Variants in PPP1R12B observed in about 807,000 individuals in gnomAD.
PPP1R12B encodes myosin phosphatase target subunit 2.
In PPP1R12B, 76 loss-of-function variants were observed where a neutral mutation model predicts 126.1. The ratio of observed to expected loss-of-function variants is 0.60; its 90% CI spans 0.50 to 0.73. The LOEUF (loss-of-function observed/expected upper bound fraction) is 0.73, where lower values mean the gene tolerates loss of function less well. Among genes scored for constraint, PPP1R12B ranks in the 30% least tolerant of loss-of-function variants. The probability of loss-of-function intolerance (pLI) is 0.00; values close to 1 mark genes in which losing one functional copy is unlikely to be tolerated. For missense variants in PPP1R12B, 1,052 were observed against 1,205.1 expected (o/e 0.87, Z 1.88); for synonymous variants, 356 against 434.7 (o/e 0.82, Z 2.25).
At chr1:202,388,586 G>T (rs1663559616) in intron 1 of PPP1R12B, among the ~76,000 whole-genome samples, 2 of 152,130 alleles carry the variant, frequency 1.3e-5, no homozygotes, top group Admixed American at 6.6e-5. Context: ...GCTACTGATA[G>T]AAATAGTATT....
At chr1:202,502,519 G>A (rs560847902) in intron 18 of PPP1R12B, 61 of 933,972 alleles carry the variant, frequency 6.5e-5, no homozygotes, top group Middle Eastern at 5.6e-4. Context: ...GCTTTTAAGC[G>A]CCGATTATGA....
rs1157370814 is a variant in PPP1R12B, at chr1:202,439,036, G to T, written c.1458+1012G>T. ...GCGGCAGTGCCCACTACCAGTGGGC[G>T]GACTTCATCCTGGCCGCCAACTCCT... On this transcript the variant is annotated intron_variant, in intron 10 of 23. Transcript: ENST00000608999. 8.5e-5 allele frequency: 116 copies of T among 1,369,118 alleles called. No homozygotes were observed. The African/African-American group carries it at 1.4e-3, about 16-fold the overall frequency. The allele number at this position is 1,369,118 out of a possible 1,614,324, so 84.8% of individuals were successfully genotyped here. A position where few individuals can be genotyped will look rare whatever the true frequency, so the allele number is the denominator to read the frequency against.
chr1:202,365,474 A>G (rs1186560452), intron 1 of PPP1R12B, among the ~76,000 whole-genome samples: 1 of 152,172 alleles, frequency 6.6e-6, no homozygotes, highest in Admixed American at 6.5e-5. Context: ...GCTGCTTTAT[A>G]CCAAGTGTTG....
At chr1:202,387,807 T>G (rs17438379) in intron 1 of PPP1R12B, among the ~76,000 whole-genome samples, 17,599 of 152,186 alleles carry the variant, frequency 0.12, 1,262 homozygotes, top group Middle Eastern at 0.17. Context: ...TCTAGTGTCG[T>G]AGGGTAATTC....
At chr1:202,545,765 A>C (rs180935344) in intron 18 of PPP1R12B, among the ~76,000 whole-genome samples, 2 of 152,370 alleles carry the variant, frequency 1.3e-5, no homozygotes. Context: ...TTTGGAGAAC[A>C]ATAGAAGCTA....
chr1:202,480,868 G>A (rs1244884322), intron 13 of PPP1R12B, among the ~76,000 whole-genome samples: 1 of 152,202 alleles, frequency 6.6e-6, no homozygotes, highest in Non-Finnish European at 1.5e-5. Context: ...GGATTTCAAT[G>A]TAACAGAATA....
intron 1 of PPP1R12B, among the ~76,000 whole-genome samples, chr1:202,381,845 TAGTA>T (rs1455562125): frequency 1.3e-5 from 2 of 152,164 alleles, no homozygotes; most frequent in African/African-American, 4.8e-5. Flanking sequence ...AACAGTAAGT[TAGTA>T]AGAGAAACAA....
At chr1:202,380,678 C>T (rs1342598399) in intron 1 of PPP1R12B, among the ~76,000 whole-genome samples, 2 of 152,196 alleles carry the variant, frequency 1.3e-5, no homozygotes, top group African/African-American at 4.8e-5. Context: ...GCTTTGGTTA[C>T]AGATTCCAGA....
intron 23 of PPP1R12B, chr1:202,575,278 A>G: frequency 8.0e-7 from 1 of 1,242,720 alleles, no homozygotes; most frequent in Non-Finnish European, 1.1e-6. Flanking sequence ...GGTTATCTGC[A>G]GATGGAAGCA....
At chr1:202,500,829 C>G (rs1680146696) in intron 18 of PPP1R12B, among the ~76,000 whole-genome samples, 1 of 152,154 alleles carries the variant, frequency 6.6e-6, no homozygotes, top group Non-Finnish European at 1.5e-5. Context: ...CTTCATACCA[C>G]ATAAATACGT....
intron 18 of PPP1R12B, among the ~76,000 whole-genome samples, chr1:202,524,593 C>T (rs1176097373): frequency 6.6e-6 from 1 of 152,190 alleles, no homozygotes; most frequent in East Asian, 1.9e-4. Context: ...TTAGCTCCCT[C>T]TTATGAGTGA....
In PPP1R12B at chr1:202,587,080, C is replaced by T. The variant is rs923530162; in HGVS notation, c.*6520C>T. On this transcript the variant is annotated 3_prime_UTR_variant, in exon 24 of 24. Transcript: ENST00000608999. ...CCCAATTCATCTGCTTATTTTGGAC[C>T]ATGAATCTGCCAGAGTGATATTTTC... is the stretch of plus-strand genomic sequence containing the variant. 6.6e-6 allele frequency: 1 copy of T among 152,084 alleles called. No individual in the cohort carries two copies. The highest frequency in any genetic ancestry group is 1.5e-5 in the Non-Finnish European group (1 of 68,014). 9.4% of individuals were successfully genotyped at this position (152,084 alleles called of 1,614,324 possible). A position where few individuals can be genotyped will look rare whatever the true frequency, so the allele number is the denominator to read the frequency against.
At chr1:202,550,717 C>A (rs895770198) in intron 18 of PPP1R12B, among the ~76,000 whole-genome samples, 5 of 152,300 alleles carry the variant, frequency 3.3e-5, no homozygotes, top group Non-Finnish European at 7.4e-5. Flanking sequence ...AGTTTTAGAG[C>A]TCCTCATTCC....
At chr1:202,509,324 T>C (rs1025361480) in intron 18 of PPP1R12B, among the ~76,000 whole-genome samples, 3 of 152,228 alleles carry the variant, frequency 2.0e-5, no homozygotes, top group African/African-American at 7.2e-5. Flanking sequence ...GCTGTAAAAC[T>C]TCCTGAATGA....
rs372903816 is a variant in PPP1R12B at position 202,430,697 on chromosome 1, T to G, written c.922-34T>G. On this transcript the variant is annotated intron_variant, in intron 6 of 23. Coordinates refer to ENST00000608999, the MANE Select transcript of PPP1R12B (RefSeq NM_002481.4). The stretch of plus-strand genomic sequence containing the variant: ...GCTGATTTTTCACCAATAGTCAACT[T>G]CTTCCCTTTTCTCTCTGTTTTCTCC... The G allele has an allele frequency of 8.1e-6, 13 of 1,608,470 alleles. No individual in the cohort carries two copies. In the East Asian group the frequency reaches 8.9e-5, roughly 11 times the overall value.
At chr1:202,378,089 C>T (rs1661550338) in intron 1 of PPP1R12B, among the ~76,000 whole-genome samples, 1 of 151,992 alleles carries the variant, frequency 6.6e-6, no homozygotes, top group South Asian at 2.1e-4. Flanking sequence ...CCGCCCGCCT[C>T]AGCCTCCCAA....
chr1:202,481,113 G>C (rs1340757108), intron 13 of PPP1R12B, among the ~76,000 whole-genome samples: 3 of 152,216 alleles, frequency 2.0e-5, no homozygotes, highest in Non-Finnish European at 2.9e-5. Context: ...ACGTCCCTAT[G>C]AGAATCTAAT....
chr1:202,535,532 G>C (rs1684447156), intron 18 of PPP1R12B, among the ~76,000 whole-genome samples: 1 of 152,068 alleles, frequency 6.6e-6, no homozygotes, highest in Non-Finnish European at 1.5e-5. Context: ...AACATATGCA[G>C]TTCCTCTATT....
chr1:202,473,799 G>A (rs1416379877), intron 13 of PPP1R12B: 2 of 416,830 alleles, frequency 4.8e-6, no homozygotes, highest in African/African-American at 2.1e-5. Flanking sequence ...CCTCTGGCTT[G>A]CTGTATAGCA....
Sources: allele counts gnomAD v4.1 joint callset (sites outside exome capture counted in the v4.1 genomes callset), GRCh38; gene constraint gnomAD v4.1.1; transcripts MANE v1.5; gene names NCBI Gene and HGNC (gene_info 2026-07-23, HGNC 2026-07-21).